PDE4D: variants seen among roughly 807,000 people sequenced by gnomAD.
PDE4D encodes the protein phosphodiesterase 4D, also known as 3',5'-cyclic-AMP phosphodiesterase 4D.
A neutral mutation model predicts 87.4 loss-of-function variants in PDE4D; 24 were observed. The ratio of observed to expected loss-of-function variants is 0.27; its 90% CI spans 0.20 to 0.39. The LOEUF is 0.39. Among genes scored for constraint, PDE4D ranks in the 10% least tolerant of loss-of-function variants. The probability of loss-of-function intolerance (pLI) is 1.00; values close to 1 mark genes in which losing one functional copy is unlikely to be tolerated. For missense variants in PDE4D, 714 were observed against 1,041.0 expected (o/e 0.69, Z 4.32); for synonymous variants, 384 against 383.2 (o/e 1.00, Z -0.02).
chr5:60,343,259 A>G (rs1343261713), intron 1 of PDE4D, among the ~76,000 whole-genome samples: 1 of 152,154 alleles, frequency 6.6e-6, no homozygotes, highest in Non-Finnish European at 1.5e-5. Context: ...TAATCAACGC[A>G]GGGTAGATGA....
intron 2 of PDE4D, among the ~76,000 whole-genome samples, chr5:60,171,666 A>G (rs1783439443): frequency 6.6e-6 from 1 of 152,130 alleles, no homozygotes; most frequent in African/African-American, 2.4e-5. Context: ...TCAGAAATGA[A>G]GTATTTGGGA....
chr5:59,096,199 T>A (rs556192115), intron 5 of PDE4D, among the ~76,000 whole-genome samples: 221 of 152,282 alleles, frequency 1.5e-3, no homozygotes, highest in Non-Finnish European at 3.0e-3. Flanking sequence ...ATGGTTTTTT[T>A]AATAATATTG....
chr5:59,759,208 A>C (rs1444399094), intron 1 of PDE4D, among the ~76,000 whole-genome samples: 1 of 152,198 alleles, frequency 6.6e-6, no homozygotes, highest in Admixed American at 6.5e-5. Flanking sequence ...GAGCTTTTCA[A>C]TTATAAAGAA....
At chr5:60,518,018 C>T (rs186168157) in intron 1 of PDE4D, among the ~76,000 whole-genome samples, 30 of 152,348 alleles carry the variant, frequency 2.0e-4, no homozygotes, top group African/African-American at 6.7e-4. Flanking sequence ...TAGTTCCTGG[C>T]GTCTCCAAGC....
intron 1 of PDE4D, among the ~76,000 whole-genome samples, chr5:60,231,454 A>G (rs1745801044): frequency 6.6e-6 from 1 of 151,884 alleles, no homozygotes; most frequent in Non-Finnish European, 1.5e-5. Context: ...AGAAAAACTG[A>G]GCTGTGCAAT....
chr5:59,040,200 A>G (rs574606645), intron 5 of PDE4D: 2 of 152,226 alleles, frequency 1.3e-5, no homozygotes, highest in African/African-American at 2.4e-5. Flanking sequence ...TTCTTTTTCT[A>G]CCCAGCCCAG....
intron 1 of PDE4D, among the ~76,000 whole-genome samples, chr5:60,264,337 ATGC>A (rs1230297782): frequency 6.6e-6 from 1 of 152,204 alleles, no homozygotes; most frequent in Non-Finnish European, 1.5e-5. Context: ...TGAGAAAAAA[ATGC>A]CTGTTGATTA....
chr5:60,093,230 G>A (rs534967535), intron 2 of PDE4D, among the ~76,000 whole-genome samples: 4 of 152,264 alleles, frequency 2.6e-5, no homozygotes, highest in African/African-American at 7.2e-5. Flanking sequence ...CATCTGACAC[G>A]ATTTAGATCC....
At chr5:59,968,589 T>A (rs1760336791) in intron 3 of PDE4D, among the ~76,000 whole-genome samples, 1 of 152,052 alleles carries the variant, frequency 6.6e-6, no homozygotes, top group African/African-American at 2.4e-5. Flanking sequence ...AATAAAAAAA[T>A]ATATAAAGCT....
At chr5:59,799,725 T>C (rs1221449863) in intron 1 of PDE4D, among the ~76,000 whole-genome samples, 2 of 152,212 alleles carry the variant, frequency 1.3e-5, no homozygotes, top group Non-Finnish European at 2.9e-5. Context: ...AGAAGACATC[T>C]ATTGGATTGT....
intron 1 of PDE4D, among the ~76,000 whole-genome samples, chr5:60,253,101 G>A (rs986396598): frequency 2.6e-5 from 4 of 151,820 alleles, no homozygotes; most frequent in Non-Finnish European, 5.9e-5. Flanking sequence ...AGTACCCAAG[G>A]CCAATTTATG....
At chr5:59,008,851 T>C (rs1248870556) in intron 6 of PDE4D, among the ~76,000 whole-genome samples, 1 of 152,050 alleles carries the variant, frequency 6.6e-6, no homozygotes, top group Non-Finnish European at 1.5e-5. Flanking sequence ...ATCCAGAAAT[T>C]ATTTTTTAAA....
intron 1 of PDE4D, among the ~76,000 whole-genome samples, chr5:59,355,754 T>C (rs1174597688): frequency 6.6e-5 from 10 of 152,210 alleles, no homozygotes; most frequent in Non-Finnish European, 1.0e-4. Context: ...TCTGATTTTA[T>C]AGTTCCCTAA....
chr5:60,220,356 T>C (rs1744358200), intron 1 of PDE4D, among the ~76,000 whole-genome samples: 1 of 152,164 alleles, frequency 6.6e-6, no homozygotes, highest in Non-Finnish European at 1.5e-5. Flanking sequence ...ATGGTCTTCA[T>C]CTCTTCTGTT....
At chr5:59,286,758 C>T (rs950065797) in intron 1 of PDE4D, among the ~76,000 whole-genome samples, 3 of 152,126 alleles carry the variant, frequency 2.0e-5, no homozygotes, top group Non-Finnish European at 2.9e-5. Flanking sequence ...TTTGTATTCT[C>T]TATGGACTTA....
intron 1 of PDE4D, among the ~76,000 whole-genome samples, chr5:60,374,847 TA>T (rs1296476072): frequency 6.6e-6 from 1 of 152,200 alleles, no homozygotes; most frequent in African/African-American, 2.4e-5. Context: ...ATAATATGCT[TA>T]AAAATCGGTG....
At chr5:59,882,198 A>G (rs1215507578) in intron 1 of PDE4D, among the ~76,000 whole-genome samples, 1 of 152,180 alleles carries the variant, frequency 6.6e-6, no homozygotes, top group East Asian at 1.9e-4. Context: ...CAGGGTATTT[A>G]TCCATGTTGG....
chr5:59,666,629 T>C, intron 1 of PDE4D, among the ~76,000 whole-genome samples: 1 of 152,226 alleles, frequency 6.6e-6, no homozygotes, highest in East Asian at 1.9e-4. Flanking sequence ...ACTTTATTCA[T>C]AGGAATGCAT....
chr5:60,407,997 G>A (rs1237689013), intron 1 of PDE4D, among the ~76,000 whole-genome samples: 3 of 151,848 alleles, frequency 2.0e-5, no homozygotes, highest in Admixed American at 6.6e-5. Context: ...ACTGGAACTC[G>A]TATGCTTGGA....
Sources: gnomAD v4.1 joint callset for allele counts (sites outside exome capture counted in the v4.1 genomes callset) on GRCh38, gnomAD v4.1.1 for gene constraint, MANE v1.5 for transcripts, NCBI Gene and HGNC (gene_info 2026-07-23, HGNC 2026-07-21) for gene names.